Variants in CORO2B observed in about 807,000 individuals in gnomAD.
CORO2B encodes the protein coronin 2B, also known as coronin-2B.
Under a neutral mutation model 58.8 loss-of-function variants are expected in CORO2B, and 26 were observed. That is an observed-to-expected ratio of 0.44 (90% CI 0.32 to 0.61). CORO2B has a LOEUF of 0.61. Ranked by LOEUF, CORO2B falls within the 20% of genes least tolerant of loss-of-function variation. CORO2B has a pLI of 0.04. For missense variants in CORO2B, 460 were observed against 645.1 expected (o/e 0.71, Z 3.11); for synonymous variants, 242 against 253.8 (o/e 0.95, Z 0.44).
the CORO2B span, among the ~76,000 whole-genome samples, chr15:68,529,292 G>A: frequency 1.3e-5 from 2 of 152,122 alleles, no homozygotes; most frequent in African/African-American, 4.8e-5. Flanking sequence ...TATCAATTTA[G>A]GAGTAAGTAG....
chr15:68,696,478 G>T (rs1237106428), intron 3 of CORO2B, among the ~76,000 whole-genome samples: 1 of 150,116 alleles, frequency 6.7e-6, no homozygotes, highest in Admixed American at 6.7e-5. Flanking sequence ...GAACCTGGAA[G>T]GCGGAGGTTG....
intron 3 of CORO2B, 103 bp downstream of exon 3, chr15:68,695,359 T>G (rs527504500): frequency 3.7e-6 from 3 of 806,968 alleles, no homozygotes; most frequent in South Asian, 1.5e-5. Flanking sequence ...TTTGCCCTTC[T>G]TCCCTCCTCT....
chr15:68,677,591 G>A (rs1402274906), intron 2 of CORO2B, among the ~76,000 whole-genome samples: 1 of 152,208 alleles, frequency 6.6e-6, no homozygotes, highest in Middle Eastern at 3.2e-3. Flanking sequence ...GAGAGGCAAA[G>A]GTTACTTGGG....
At chr15:68,637,612 A>G (rs1595982088) in intron 1 of CORO2B, among the ~76,000 whole-genome samples, 2 of 152,204 alleles carry the variant, frequency 1.3e-5, no homozygotes, top group East Asian at 3.9e-4. Context: ...CAGGTCACAT[A>G]GCTAGAGACC....
At position 68,591,072 on chromosome 15, in the gene CORO2B, G is replaced by A. The variant is rs551518887; in HGVS notation, c.15+11795G>A. Reference sequence around the variant, plus strand: ...TCTGTCTCCAGGGGGATCCTGGTCTGTGGGGGGACACAGGCTGCAGGACTC... The same window carrying A: ...TCTGTCTCCAGGGGGATCCTGGTCTATGGGGGGACACAGGCTGCAGGACTC... On this transcript the variant is annotated intron_variant, in intron 1 of 11. Coordinates refer to ENST00000261861, the MANE Select transcript of CORO2B (RefSeq NM_006091.5). Among the ~76,000 whole-genome samples the A allele has an allele frequency of 2.2e-4, 34 of 152,354 alleles. 1 individual carries two copies. The highest frequency in any genetic ancestry group is 1.4e-3 in the South Asian group (7 of 4,828).
intron 5 of CORO2B, among the ~76,000 whole-genome samples, chr15:68,712,898 C>T (rs748972712): frequency 6.6e-6 from 1 of 152,272 alleles, no homozygotes; most frequent in Non-Finnish European, 1.5e-5. Context: ...AGAACCCCCA[C>T]CTCCAATTCC....
At chr15:68,644,203 A>C (rs987983716) in intron 1 of CORO2B, among the ~76,000 whole-genome samples, 13 of 152,230 alleles carry the variant, frequency 8.5e-5, no homozygotes, top group African/African-American at 3.1e-4. Context: ...AAGTGTTCCA[A>C]GACAGCAACG....
At chr15:68,554,776 C>G in the CORO2B span, among the ~76,000 whole-genome samples, 1 of 152,210 alleles carries the variant, frequency 6.6e-6, no homozygotes, top group Non-Finnish European at 1.5e-5. Flanking sequence ...AGTCCCATGA[C>G]TAGGAAGGGA....
chr15:68,551,092 T>TG, the CORO2B span, among the ~76,000 whole-genome samples: 1 of 152,112 alleles, frequency 6.6e-6, no homozygotes, highest in South Asian at 2.1e-4. Context: ...GGGCCCAGGC[T>TG]GACCGCCCCT....
At chr15:68,667,795 G>T (rs1031792875) in intron 2 of CORO2B, among the ~76,000 whole-genome samples, 1 of 152,146 alleles carries the variant, frequency 6.6e-6, no homozygotes, top group Admixed American at 6.5e-5. Context: ...GGGAGTTGCT[G>T]GAAAGGAAAG....
the CORO2B span, among the ~76,000 whole-genome samples, chr15:68,543,466 G>A: frequency 1.3e-5 from 2 of 152,146 alleles, no homozygotes; most frequent in African/African-American, 4.8e-5. Flanking sequence ...TGGCATTGCA[G>A]AGACAGAGGA....
chr15:68,642,629 A>G (rs1400005917), intron 1 of CORO2B, among the ~76,000 whole-genome samples: 2 of 152,298 alleles, frequency 1.3e-5, no homozygotes, highest in Admixed American at 1.3e-4. Flanking sequence ...AAAAGTGCAA[A>G]CTAGTCTTCA....
chr15:68,539,002 T>A, the CORO2B span, among the ~76,000 whole-genome samples: 275 of 152,386 alleles, frequency 1.8e-3, 2 homozygotes, highest in African/African-American at 6.3e-3. Flanking sequence ...ATCACACTTT[T>A]ACATCTCAGT....
At position 68,608,758 on chromosome 15, in the gene CORO2B, G is replaced by A. The variant is rs146010395; in HGVS notation, c.15+29481G>A. 2.0e-3 allele frequency among the ~76,000 whole-genome samples: 297 copies of A among 152,244 alleles called. 1 individual carries two copies. The highest frequency in any genetic ancestry group is 3.5e-3 in the Non-Finnish European group (235 of 68,014). On this transcript the variant is annotated intron_variant, in intron 1 of 11. Transcript: ENST00000261861. ...CCACCCCTCCCCTGCCCAGACTCCC[G>A]AATGCCCTTTCTCAGGCTTCCCACA...
chr15:68,704,543 G>A (rs989309649), intron 3 of CORO2B, among the ~76,000 whole-genome samples: 1 of 152,150 alleles, frequency 6.6e-6, no homozygotes, highest in South Asian at 2.1e-4. Context: ...CTTCTTGCTT[G>A]TTGGCCAGCT....
chr15:68,547,689 A>T, the CORO2B span, among the ~76,000 whole-genome samples: 1 of 152,130 alleles, frequency 6.6e-6, no homozygotes, highest in South Asian at 2.1e-4. Flanking sequence ...AAAGTCCTCT[A>T]TCTCCTTCCT....
intron 1 of CORO2B, among the ~76,000 whole-genome samples, chr15:68,580,280 C>G (rs1899395227): frequency 6.6e-6 from 1 of 152,218 alleles, no homozygotes. Flanking sequence ...GCCGTCCATT[C>G]AAGGGCCAGA....
the CORO2B span, among the ~76,000 whole-genome samples, chr15:68,557,182 T>C: frequency 6.6e-6 from 1 of 152,082 alleles, no homozygotes; most frequent in South Asian, 2.1e-4. Flanking sequence ...GCCTGCACTT[T>C]CCCCCAACAG....
the CORO2B span, among the ~76,000 whole-genome samples, chr15:68,573,439 T>C: frequency 6.6e-6 from 1 of 150,880 alleles, no homozygotes; most frequent in Non-Finnish European, 1.5e-5. Flanking sequence ...ACCATGAAGG[T>C]CAAGGGGATG....
Sources: gnomAD v4.1 joint callset for allele counts (sites outside exome capture counted in the v4.1 genomes callset) on GRCh38, gnomAD v4.1.1 for gene constraint, MANE v1.5 for transcripts, NCBI Gene and HGNC (gene_info 2026-07-23, HGNC 2026-07-21) for gene names.